The following CFAP54 variants were observed in gnomAD, a reference collection of about 807,000 sequenced individuals.
CFAP54 encodes cilia- and flagella-associated protein 54.
Under a neutral mutation model 370.4 loss-of-function variants are expected in CFAP54, and 290 were observed. The ratio of observed to expected loss-of-function variants is 0.78; its 90% CI spans 0.71 to 0.86. The LOEUF is 0.86. Ranked by LOEUF, CFAP54 falls within the 40% of genes least tolerant of loss-of-function variation. The pLI is 0.00. For synonymous variants in CFAP54, 1,206 were observed against 1,236.5 expected, an observed-to-expected ratio of 0.98 and a Z score of 0.52; for missense variants, 3,399 against 3,528.7, an observed-to-expected ratio of 0.96 and a Z score of 0.93.
chr12:96,741,209 C>A (rs1859272785), intron 51 of CFAP54, among the ~76,000 whole-genome samples: 5 of 152,190 alleles, frequency 3.3e-5, no homozygotes, highest in Admixed American at 1.3e-4. Flanking sequence ...CTCTATCGCC[C>A]AACCTGGAAT....
intron 40 of CFAP54, among the ~76,000 whole-genome samples, chr12:96,683,408 G>T (rs1487478241): frequency 2.6e-5 from 4 of 152,180 alleles, no homozygotes; most frequent in African/African-American, 9.6e-5. Flanking sequence ...GTAAAGTCCT[G>T]AGCAAAACAA....
rs146527948 is a variant in CFAP54, at chr12:96,536,951, T to C, written c.1791+1351T>C. ...CCCTCATTAATCTGTTTTGCTAAAA[T>C]GATATATGTCTTAGTTCAATTCAAT... On this transcript the variant is annotated intron_variant, in intron 12 of 67. Transcript: ENST00000524981. Among the ~76,000 whole-genome samples the C allele has an allele frequency of 2.7e-3, 400 of 150,798 alleles. 2 individuals carry two copies. Among genetic ancestry groups the C allele is most frequent in the Non-Finnish European group, 3.2e-3 (215 of 67,730 alleles).
chr12:96,660,763 G>C (rs1240431216), intron 38 of CFAP54, among the ~76,000 whole-genome samples: 1 of 152,058 alleles, frequency 6.6e-6, no homozygotes, highest in Non-Finnish European at 1.5e-5. Flanking sequence ...AGAGGTTGGG[G>C]GCTCTGTTCT....
intron 17 of CFAP54, among the ~76,000 whole-genome samples, chr12:96,558,875 A>C (rs961531029): frequency 5.3e-5 from 8 of 152,188 alleles, no homozygotes; most frequent in African/African-American, 1.9e-4. Context: ...AAATGGACAA[A>C]TAGGATCATA....
At chr12:96,752,770 C>T (rs544932102) in intron 55 of CFAP54, among the ~76,000 whole-genome samples, 4 of 152,160 alleles carry the variant, frequency 2.6e-5, no homozygotes, top group Non-Finnish European at 4.4e-5. Context: ...TTCATATTCT[C>T]CATTAAACAA....
intron 32 of CFAP54, among the ~76,000 whole-genome samples, chr12:96,634,759 T>A (rs1956646656): frequency 6.6e-6 from 1 of 152,220 alleles, no homozygotes; most frequent in African/African-American, 2.4e-5. Flanking sequence ...ATTTTTTGCA[T>A]AAGATGTGAG....
At chr12:96,618,890 GTGTT>G (rs1003700175) in intron 26 of CFAP54, among the ~76,000 whole-genome samples, 2 of 152,040 alleles carry the variant, frequency 1.3e-5, no homozygotes, top group Non-Finnish European at 2.9e-5. Context: ...CCCTGAATGT[GTGTT>G]TGTTTGTTTG....
In CFAP54 at chr12:96,853,509, C is replaced by T. The variant is rs563506179; in HGVS notation, c.9172-7310C>T. On this transcript the variant is annotated intron_variant, in intron 66 of 67. Transcript: ENST00000524981. The stretch of plus-strand genomic sequence containing the variant: ...GCAAGTTGCACATTTATGACTTCTC[C>T]TTTTCTGTCTACATGTTATAATTCA... Among the ~76,000 whole-genome samples, 7 of 152,186 alleles carry T rather than the reference C, an allele frequency of 4.6e-5. No individual in the cohort carries two copies. The South Asian group carries it at 1.2e-3, about 27-fold the overall frequency.
chr12:96,581,196 C>G, intron 22 of CFAP54, 91 bp downstream of exon 22: 1 of 924,800 alleles, frequency 1.1e-6, no homozygotes, highest in East Asian at 3.0e-5. Flanking sequence ...AAAATCACAG[C>G]AGATATTCTA....
chr12:96,729,080 T>A (rs979843786), intron 50 of CFAP54, among the ~76,000 whole-genome samples: 2 of 152,164 alleles, frequency 1.3e-5, no homozygotes, highest in Non-Finnish European at 2.9e-5. Context: ...GGTGTCAGTC[T>A]GCCCCTACTG....
At chr12:96,621,003 A>G (rs768443161) in intron 26 of CFAP54, among the ~76,000 whole-genome samples, 38 of 152,190 alleles carry the variant, frequency 2.5e-4, no homozygotes, top group Non-Finnish European at 4.6e-4. Context: ...AGGCCAAAGA[A>G]CTGGTATTAG....
intron 8 of CFAP54, 22 bp from the exon 9 acceptor site, chr12:96,527,224 C>CTTTTTTTT: frequency 1.5e-6 from 2 of 1,358,976 alleles, no homozygotes; most frequent in South Asian, 2.8e-5. Flanking sequence ...ATGGACTGAA[C>CTTTTTTTT]TTTTTTTTTT....
rs1592829633 is a variant in CFAP54, at chr12:96,521,774, C to T, written c.943-83C>T. The T allele has an allele frequency of 3.9e-6, 4 of 1,018,958 alleles. No individual in the cohort carries two copies. In the East Asian group the frequency reaches 7.9e-5, roughly 20 times the overall value. 63.1% of individuals were successfully genotyped at this position (1,018,958 alleles called of 1,614,324 possible). ...CTTAATTCACAGATTAAATCAAATG[C>T]CTGGGAGAACAAAACATTGTCTTTA... On this transcript the variant is annotated intron_variant, in intron 6 of 67. Coordinates refer to ENST00000524981, the MANE Select transcript of CFAP54 (RefSeq NM_001306084.2).
chr12:96,781,463 C>T (rs1396892886), intron 60 of CFAP54, among the ~76,000 whole-genome samples: 1 of 152,070 alleles, frequency 6.6e-6, no homozygotes, highest in Non-Finnish European at 1.5e-5. Context: ...TTGAAGCAAA[C>T]AATTCCTATA....
intron 17 of CFAP54, among the ~76,000 whole-genome samples, chr12:96,561,673 A>G (rs1955817510): frequency 6.7e-6 from 1 of 149,422 alleles, no homozygotes; most frequent in Admixed American, 6.7e-5. Context: ...TGAGATGTCA[A>G]TGGCTCCTTT....
chr12:96,513,773 G>A (rs970374515), intron 5 of CFAP54, among the ~76,000 whole-genome samples: 1 of 151,916 alleles, frequency 6.6e-6, no homozygotes, highest in African/African-American at 2.4e-5. Context: ...ATTAAAAAAA[G>A]GTGTCCTGGT....
Position 96,663,873 on chromosome 12 carries a change from C to T in CFAP54, c.5504C>T (p.Ser1835Phe), listed in dbSNP as rs562177116. The T allele has an allele frequency of 1.9e-6, 3 of 1,613,208 alleles. No homozygotes were observed. Among genetic ancestry groups the T allele is most frequent in the Non-Finnish European group, 2.5e-6 (3 of 1,179,634 alleles). The change falls in exon 39 of 68, where the codon TCT (serine) becomes TTT (phenylalanine). Residue 1835 changes from serine (S) to phenylalanine (F), a missense_variant. Coordinates refer to ENST00000524981, the MANE Select transcript of CFAP54 (RefSeq NM_001306084.2). ...NFIGKQLKIN[S>F]STIEATSNCT... Reference sequence around the variant, plus strand: ...ATTGGGAAGCAGCTTAAGATTAATTCTTCAACCATTGAAGCAACAAGCAAC... The same window carrying T: ...ATTGGGAAGCAGCTTAAGATTAATTTTTCAACCATTGAAGCAACAAGCAAC...
chr12:96,604,891 C>T (rs1220042674), intron 26 of CFAP54, among the ~76,000 whole-genome samples: 4 of 152,208 alleles, frequency 2.6e-5, no homozygotes, highest in African/African-American at 9.6e-5. Context: ...TCATGGCTTC[C>T]CTTTTCTAGG....
intron 1 of CFAP54, among the ~76,000 whole-genome samples, chr12:96,490,597 C>CAGGAGAAT (rs1954870242): frequency 6.6e-6 from 1 of 152,102 alleles, no homozygotes; most frequent in Admixed American, 6.5e-5. Flanking sequence ...GAGGCTGAGG[C>CAGGAGAAT]AGGAGAATTG....
Sources: gnomAD v4.1 joint callset for allele counts (sites outside exome capture counted in the v4.1 genomes callset) on GRCh38, gnomAD v4.1.1 for gene constraint, MANE v1.5 for transcripts, NCBI Gene and HGNC (gene_info 2026-07-23, HGNC 2026-07-21) for gene names.